CCDC91: variants seen among roughly 807,000 people sequenced by gnomAD.
The protein encoded by CCDC91 is coiled-coil domain containing 91.
A neutral mutation model predicts 63.2 loss-of-function variants in CCDC91; 48 were observed. The observed-to-expected ratio is 0.76, with a 90% confidence interval of 0.60 to 0.97. The LOEUF is 0.97. Among genes scored for constraint, CCDC91 ranks in the 50% least tolerant of loss-of-function variants. The pLI, the probability that CCDC91 is intolerant of heterozygous loss-of-function variation, is 0.00. For synonymous variants in CCDC91, 167 were observed against 165.8 expected (o/e 1.01, Z -0.06); for missense variants, 500 against 494.6 (o/e 1.01, Z -0.10).
intron 12 of CCDC91, among the ~76,000 whole-genome samples, chr12:28,486,750 T>G (rs1252786070): frequency 6.6e-6 from 1 of 152,098 alleles, no homozygotes; most frequent in African/African-American, 2.4e-5. Flanking sequence ...AGGCCTAGTA[T>G]TCACTTGTAT....
At chr12:28,477,463 C>A (rs971728066) in intron 11 of CCDC91, among the ~76,000 whole-genome samples, 1 of 151,932 alleles carries the variant, frequency 6.6e-6, no homozygotes, top group Non-Finnish European at 1.5e-5. Context: ...ATTGATGGGA[C>A]ATATCTCAAA....
intron 3 of CCDC91, among the ~76,000 whole-genome samples, chr12:28,290,784 A>G (rs1555175961): frequency 2.0e-5 from 3 of 150,960 alleles, no homozygotes; most frequent in Non-Finnish European, 4.4e-5. Flanking sequence ...ATTGATATTT[A>G]CCTTAAAGAT....
At chr12:28,323,217 A>G (rs1474758350) in intron 6 of CCDC91, among the ~76,000 whole-genome samples, 1 of 151,404 alleles carries the variant, frequency 6.6e-6, no homozygotes, top group Non-Finnish European at 1.5e-5. Context: ...CTTATATATG[A>G]GTTTTGGGTT....
intron 1 of CCDC91, among the ~76,000 whole-genome samples, chr12:28,202,201 A>G (rs1204148189): frequency 1.3e-5 from 2 of 152,166 alleles, no homozygotes; most frequent in South Asian, 2.1e-4. Flanking sequence ...TTGAAACTGT[A>G]TCTAAGAAAA....
intron 8 of CCDC91, 24 bp downstream of exon 8, chr12:28,391,435 T>C: frequency 2.2e-6 from 3 of 1,373,192 alleles, no homozygotes; most frequent in Non-Finnish European, 3.1e-6. Context: ...ACATCCATTA[T>C]ATATTTATAC....
intron 1 of CCDC91, among the ~76,000 whole-genome samples, chr12:28,228,939 A>G (rs1035051582): frequency 1.3e-5 from 2 of 152,184 alleles, no homozygotes; most frequent in African/African-American, 4.8e-5. Context: ...CATTATGTAC[A>G]TTATAAAACA....
chr12:28,316,493 G>A (rs1413244391), intron 6 of CCDC91, among the ~76,000 whole-genome samples: 8 of 133,102 alleles, frequency 6.0e-5, no homozygotes, highest in Admixed American at 1.5e-4. Flanking sequence ...TTACTGTGTT[G>A]AGTTTTTAAT....
At chr12:28,276,439 T>C (rs1374210614) in intron 3 of CCDC91, among the ~76,000 whole-genome samples, 2 of 151,934 alleles carry the variant, frequency 1.3e-5, no homozygotes, top group Admixed American at 6.6e-5. Context: ...ATGAGGAAAA[T>C]AACTATTTTC....
intron 2 of CCDC91, among the ~76,000 whole-genome samples, chr12:28,257,739 G>T (rs868326121): frequency 1.3e-5 from 2 of 152,074 alleles, no homozygotes; most frequent in Non-Finnish European, 2.9e-5. Flanking sequence ...TGGATACTTT[G>T]TAAGTGGAAA....
intron 11 of CCDC91, among the ~76,000 whole-genome samples, chr12:28,476,508 G>C (rs911512148): frequency 1.2e-4 from 18 of 152,038 alleles, no homozygotes; most frequent in Non-Finnish European, 2.1e-4. Flanking sequence ...ATGCCCACAA[G>C]AGAAAGCAGG....
At chr12:28,359,241 G>A (rs1370541521) in intron 6 of CCDC91, among the ~76,000 whole-genome samples, 1 of 152,138 alleles carries the variant, frequency 6.6e-6, no homozygotes, top group African/African-American at 2.4e-5. Context: ...CAGAGCCATC[G>A]ATATTGAATG....
chr12:28,365,652 T>C (rs1386613575), intron 7 of CCDC91, among the ~76,000 whole-genome samples: 2 of 152,232 alleles, frequency 1.3e-5, no homozygotes, highest in Non-Finnish European at 2.9e-5. Flanking sequence ...CCAGGGATTA[T>C]TGTAAATACA....
chr12:28,441,941 A>C (rs1362787625), intron 8 of CCDC91, among the ~76,000 whole-genome samples: 4 of 152,042 alleles, frequency 2.6e-5, no homozygotes, highest in African/African-American at 9.7e-5. Context: ...GTATTTTCAT[A>C]TATGTAAAAT....
intron 3 of CCDC91, among the ~76,000 whole-genome samples, chr12:28,304,148 G>A (rs1039300529): frequency 3.0e-4 from 46 of 151,722 alleles, no homozygotes; most frequent in African/African-American, 1.1e-3. Context: ...GGAGGCCGAG[G>A]CGGGCGGATC....
At chr12:28,235,806 T>G (rs1281862111) in intron 1 of CCDC91, among the ~76,000 whole-genome samples, 1 of 152,108 alleles carries the variant, frequency 6.6e-6, no homozygotes, top group Non-Finnish European at 1.5e-5. Flanking sequence ...TAAGTATTTT[T>G]TTTTTTGGTA....
chr12:28,233,499 A>T (rs1445780345), intron 1 of CCDC91, among the ~76,000 whole-genome samples: 1 of 152,172 alleles, frequency 6.6e-6, no homozygotes, highest in African/African-American at 2.4e-5. Context: ...TAATTCAGAG[A>T]TTAAAGAAGA....
intron 8 of CCDC91, among the ~76,000 whole-genome samples, chr12:28,444,536 G>C (rs1382661873): frequency 6.6e-5 from 10 of 152,216 alleles, no homozygotes; most frequent in Non-Finnish European, 1.3e-4. Flanking sequence ...TGGGAACATG[G>C]ATGGAGCTGG....
chr12:28,317,517 G>A (rs942097338), intron 6 of CCDC91, among the ~76,000 whole-genome samples: 3 of 151,898 alleles, frequency 2.0e-5, no homozygotes, highest in Non-Finnish European at 4.4e-5. Flanking sequence ...ACTTACGGGT[G>A]TCTGTGTCTC....
chr12:28,469,470 A>G (rs924719841), intron 11 of CCDC91, among the ~76,000 whole-genome samples: 38 of 152,124 alleles, frequency 2.5e-4, no homozygotes, highest in African/African-American at 8.7e-4. Context: ...TTCTGCATCC[A>G]TGGATTGAAA....
Sources: gnomAD v4.1 joint callset for allele counts (sites outside exome capture counted in the v4.1 genomes callset) on GRCh38, gnomAD v4.1.1 for gene constraint, MANE v1.5 for transcripts, NCBI Gene and HGNC (gene_info 2026-07-23, HGNC 2026-07-21) for gene names.